PLAAT3: variants seen among roughly 807,000 people sequenced by gnomAD.
The protein encoded by PLAAT3 is Ca-independent phospholipase A1/2.
In PLAAT3, 21 loss-of-function variants were observed where a neutral mutation model predicts 16.7. The observed-to-expected ratio is 1.26, with a 90% CI of 0.89 to 1.81. The LOEUF is 1.81. PLAAT3 is among the 40% of genes most tolerant of loss of function. PLAAT3 has a pLI of 0.00. For synonymous variants in PLAAT3, 76 were observed against 81.7 expected, an observed-to-expected ratio of 0.93 and a Z score of 0.38; for missense variants, 219 against 213.7, an observed-to-expected ratio of 1.02 and a Z score of -0.16.
At chr11:63,596,102 G>T (rs77419504) in intron 3 of PLAAT3, among the ~76,000 whole-genome samples, 18,700 of 151,840 alleles carry the variant, frequency 0.12, 1,341 homozygotes, top group Middle Eastern at 0.2. Flanking sequence ...TTAGCCAGGG[G>T]TGGTGCCAGG....
At chr11:63,594,985 C>T (rs1378750168) in intron 3 of PLAAT3, among the ~76,000 whole-genome samples, 6 of 151,930 alleles carry the variant, frequency 3.9e-5, no homozygotes, top group African/African-American at 1.5e-4. Context: ...AGAATTAAAA[C>T]GATATGCAAA....
chr11:63,601,057 T>TAAA (rs1938415953), intron 2 of PLAAT3, among the ~76,000 whole-genome samples: 5 of 87,258 alleles, frequency 5.7e-5, no homozygotes, highest in Admixed American at 1.3e-4. Context: ...AAAAAAAAAT[T>TAAA]TTTTTTTTTT....
intron 2 of PLAAT3, among the ~76,000 whole-genome samples, chr11:63,599,470 GC>G (rs1938370354): frequency 6.6e-6 from 1 of 152,172 alleles, no homozygotes; most frequent in South Asian, 2.1e-4. Flanking sequence ...GTGGTTAACA[GC>G]CAATCACAAC....
chr11:63,586,411 G>A (rs1173612962), intron 4 of PLAAT3, among the ~76,000 whole-genome samples: 1 of 152,180 alleles, frequency 6.6e-6, no homozygotes, highest in Non-Finnish European at 1.5e-5. Flanking sequence ...TGGGATTACA[G>A]GCGTGAGCCA....
chr11:63,614,745 GT>G (rs1344521221), upstream of PLAAT3, among the ~76,000 whole-genome samples: 1 of 151,936 alleles, frequency 6.6e-6, no homozygotes, highest in Non-Finnish European at 1.5e-5. Flanking sequence ...GCCGGGCGCG[GT>G]GGCTCACGCC....
At chr11:63,595,286 G>A (rs553878636) in intron 3 of PLAAT3, among the ~76,000 whole-genome samples, 11 of 115,424 alleles carry the variant, frequency 9.5e-5, no homozygotes, top group Non-Finnish European at 7.0e-5. Flanking sequence ...GCAAGACTCC[G>A]TCTCGGAAAA....
chr11:63,592,440 T>C (rs140364308), intron 3 of PLAAT3, among the ~76,000 whole-genome samples: 13 of 152,262 alleles, frequency 8.5e-5, no homozygotes, highest in African/African-American at 3.1e-4. Flanking sequence ...CCTCCCAAAG[T>C]TCTGGGATTA....
At chr11:63,593,950 CAG>C (rs1395818304) in intron 3 of PLAAT3, among the ~76,000 whole-genome samples, 2 of 152,276 alleles carry the variant, frequency 1.3e-5, no homozygotes, top group African/African-American at 2.4e-5. Context: ...TGGCAAGAGG[CAG>C]AGAGACCAGC....
At chr11:63,580,510 C>T (rs1937777094) in intron 4 of PLAAT3, among the ~76,000 whole-genome samples, 1 of 152,032 alleles carries the variant, frequency 6.6e-6, no homozygotes, top group East Asian at 1.9e-4. Context: ...AAAAATTAGC[C>T]AGGCGTGGTG....
chr11:63,593,304 C>T (rs1938197258), intron 3 of PLAAT3, among the ~76,000 whole-genome samples: 1 of 152,240 alleles, frequency 6.6e-6, no homozygotes, highest in African/African-American at 2.4e-5. Context: ...TGCTGTTGCT[C>T]AGGCTGGGGA....
rs751361809 is a variant in PLAAT3 at position 63,575,028 on chromosome 11, C to A, written c.406G>T (p.Ala136Ser). ...AAGCCCATTCCTGCAACGCTTGCAG[C>A]GATGATGACATCTCTGACCTGCAAC... ...RSDQVRDVII[A>S]ASVAGMGLAA... The change falls in exon 5 of 5, where the codon GCT (alanine) becomes TCT (serine). Residue 136 changes from alanine (A) to serine (S), a missense_variant. Physicochemically the swap from Ala to Ser is moderately conservative, Grantham distance 99. Transcript: ENST00000415826. The A allele has an allele frequency of 6.2e-7, 1 of 1,610,824 alleles. No homozygotes were observed. Among genetic ancestry groups the A allele is most frequent in the South Asian group, 1.1e-5 (1 of 91,024 alleles).
chr11:63,582,640 T>C (rs1032451994), intron 4 of PLAAT3, among the ~76,000 whole-genome samples: 6 of 152,244 alleles, frequency 3.9e-5, no homozygotes, highest in Admixed American at 1.3e-4. Context: ...TTTCTCATCA[T>C]GAGTTCTGGC....
At chr11:63,610,388 G>C (rs747633687) in intron 2 of PLAAT3, among the ~76,000 whole-genome samples, 4 of 152,176 alleles carry the variant, frequency 2.6e-5, no homozygotes, top group African/African-American at 9.7e-5. Context: ...GGGAAGAAGC[G>C]ATCAATTTCC....
In PLAAT3 at chr11:63,606,843, G is replaced by A. The variant is rs151252720; in HGVS notation, c.15+7157C>T. Among the ~76,000 whole-genome samples, 30 of 152,332 alleles carry A rather than the reference G, an allele frequency of 2.0e-4. No individual in the cohort carries two copies. In the East Asian group the frequency reaches 5.2e-3, roughly 26 times the overall value. ...AGCAGCCGGTCCGGAAGGCAACGCA[G>A]CACCTGACAGCGCTACACCTTTGCC... is the stretch of plus-strand genomic sequence containing the variant. On this transcript the variant is annotated intron_variant, in intron 2 of 4. Coordinates refer to ENST00000415826, the MANE Select transcript of PLAAT3 (RefSeq NM_001128203.2).
intron 4 of PLAAT3, among the ~76,000 whole-genome samples, chr11:63,575,972 GC>G (rs1417443175): frequency 6.6e-6 from 1 of 152,122 alleles, no homozygotes; most frequent in African/African-American, 2.4e-5. Context: ...AGGCTTAGGG[GC>G]CTAGAAACCT....
At chr11:63,600,089 T>C (rs998599186) in intron 2 of PLAAT3, among the ~76,000 whole-genome samples, 1 of 148,672 alleles carries the variant, frequency 6.7e-6, no homozygotes, top group Non-Finnish European at 1.5e-5. Flanking sequence ...TCAGGTCATC[T>C]TCCCACCTCA....
intron 4 of PLAAT3, among the ~76,000 whole-genome samples, chr11:63,585,756 G>A (rs1452942599): frequency 6.6e-6 from 1 of 152,162 alleles, no homozygotes; most frequent in African/African-American, 2.4e-5. Context: ...TCAAGTGAAT[G>A]GGTAGATGGG....
intron 2 of PLAAT3, among the ~76,000 whole-genome samples, chr11:63,603,374 C>G (rs898383428): frequency 4.6e-5 from 7 of 152,142 alleles, no homozygotes; most frequent in Admixed American, 4.6e-4. Context: ...TCTGCACCCA[C>G]GGGATTTCAG....
In PLAAT3 at chr11:63,596,741, C is replaced by A. The variant is rs117663229; in HGVS notation, c.118+1320G>T. Among the ~76,000 whole-genome samples, 185 of 152,060 alleles carry A rather than the reference C, an allele frequency of 1.2e-3. 1 individual carries two copies. Among genetic ancestry groups the A allele is most frequent in the Non-Finnish European group, 1.6e-3 (109 of 67,978 alleles). On this transcript the variant is annotated intron_variant, in intron 3 of 4. Transcript: ENST00000415826. ...ATATGGGAGGTGACTGAATCATGAG[C>A]GAGATTTCCCTCATGCTGTTCTCAT...
Sources: gnomAD v4.1 joint callset for allele counts (sites outside exome capture counted in the v4.1 genomes callset) on GRCh38, gnomAD v4.1.1 for gene constraint, MANE v1.5 for transcripts, NCBI Gene and HGNC (gene_info 2026-07-23, HGNC 2026-07-21) for gene names.